Variants in TET1 observed in about 807,000 individuals in gnomAD.
The protein encoded by TET1 is tet methylcytosine dioxygenase 1.
TET1 carries 13 observed loss-of-function variants against 148.7 expected under a neutral mutation model. The observed-to-expected ratio is 0.09, with a 90% CI of 0.06 to 0.14. The LOEUF (loss-of-function observed/expected upper bound fraction) is 0.14, where lower values mean the gene tolerates loss of function less well. Among genes scored for constraint, TET1 ranks in the 10% least tolerant of loss-of-function variants. The pLI, the probability that TET1 is intolerant of heterozygous loss-of-function variation, is 1.00. For synonymous variants in TET1, 907 were observed against 937.2 expected (o/e 0.97, Z 0.59); for missense variants, 2,182 against 2,553.8 (o/e 0.85, Z 3.14).
chr10:68,629,313 C>T (rs970092276), intron 3 of TET1, among the ~76,000 whole-genome samples: 6 of 151,344 alleles, frequency 4.0e-5, no homozygotes, highest in African/African-American at 7.3e-5. Flanking sequence ...TGCAGTGAGC[C>T]GAGATTGTGC....
chr10:68,655,784 G>T (rs1010052691), intron 6 of TET1, among the ~76,000 whole-genome samples: 3 of 152,112 alleles, frequency 2.0e-5, no homozygotes, highest in Non-Finnish European at 4.4e-5. Flanking sequence ...TGTCTGTGTT[G>T]CCTGGGCTAG....
chr10:68,658,274 C>T (rs12769345), intron 6 of TET1, among the ~76,000 whole-genome samples: 14,605 of 151,790 alleles, frequency 0.096, 970 homozygotes, highest in South Asian at 0.18. Flanking sequence ...TGCAGTGGCA[C>T]AATCTCGGCT....
chr10:68,621,787 A>G (rs1199899817), intron 3 of TET1, among the ~76,000 whole-genome samples: 1 of 152,188 alleles, frequency 6.6e-6, no homozygotes, highest in Non-Finnish European at 1.5e-5. Flanking sequence ...TAAAGAACTG[A>G]GTGATCAACG....
At chr10:68,604,901 A>T (rs1169535378) in intron 3 of TET1, among the ~76,000 whole-genome samples, 3 of 152,214 alleles carry the variant, frequency 2.0e-5, no homozygotes, top group Non-Finnish European at 4.4e-5. Context: ...CCCAATAAGC[A>T]TGAGGATCCT....
At chr10:68,562,509 T>A (rs1234002061) in intron 1 of TET1, among the ~76,000 whole-genome samples, 1 of 152,152 alleles carries the variant, frequency 6.6e-6, no homozygotes, top group East Asian at 1.9e-4. Flanking sequence ...TTTTCCCCAA[T>A]TAAGGGATTT....
intron 3 of TET1, among the ~76,000 whole-genome samples, chr10:68,622,859 G>A (rs541217905): frequency 1.8e-4 from 27 of 152,218 alleles, no homozygotes; most frequent in Admixed American, 1.6e-3. Flanking sequence ...GATTACAGGC[G>A]TGAGCTACTG....
intron 3 of TET1, among the ~76,000 whole-genome samples, chr10:68,629,419 A>C (rs2054535786): frequency 6.6e-6 from 1 of 152,142 alleles, no homozygotes; most frequent in Non-Finnish European, 1.5e-5. Context: ...AGATGTATTA[A>C]TTGTAACTTT....
At chr10:68,652,443 C>G (rs377499220) in intron 5 of TET1, 58 bp from the exon 6 acceptor site, 10 of 1,277,984 alleles carry the variant, frequency 7.8e-6, no homozygotes, top group African/African-American at 6.0e-5. Flanking sequence ...AAAGCCAAAG[C>G]CTTCAAGTAC....
chr10:68,637,021 C>T (rs956751147), intron 3 of TET1, among the ~76,000 whole-genome samples: 6 of 136,148 alleles, frequency 4.4e-5, no homozygotes, highest in Admixed American at 7.4e-5. Flanking sequence ...GTGTGTGTGA[C>T]AGAGTCTTGC....
chr10:68,569,952 G>GT (rs901153078), intron 1 of TET1, among the ~76,000 whole-genome samples: 10 of 152,074 alleles, frequency 6.6e-5, no homozygotes, highest in African/African-American at 2.4e-4. Flanking sequence ...GGATACTTTA[G>GT]TATTTTTTCT....
chr10:68,571,401 T>C (rs996601572), intron 1 of TET1, among the ~76,000 whole-genome samples: 1 of 152,114 alleles, frequency 6.6e-6, no homozygotes, highest in East Asian at 1.9e-4. Flanking sequence ...CCTCCTGGGT[T>C]CAAGTGATTC....
chr10:68,563,587 T>TA (rs1320085073), intron 1 of TET1, among the ~76,000 whole-genome samples: 1 of 152,224 alleles, frequency 6.6e-6, no homozygotes, highest in African/African-American at 2.4e-5. Flanking sequence ...TTACATCAGT[T>TA]AAGCATTTTT....
intron 3 of TET1, among the ~76,000 whole-genome samples, chr10:68,640,559 T>C (rs2054733864): frequency 9.1e-6 from 1 of 110,418 alleles, no homozygotes; most frequent in African/African-American, 3.3e-5. Context: ...TTTTTTTTTT[T>C]TTTTTTTTTT....
chr10:68,580,313 A>ATTTTTTTTTT (rs1163318028), intron 2 of TET1, among the ~76,000 whole-genome samples: 28 of 60,402 alleles, frequency 4.6e-4, no homozygotes, highest in South Asian at 1.3e-3. Flanking sequence ...ATTATATTCA[A>ATTTTTTTTTT]TTTTTTTTTT....
At chr10:68,569,674 T>G (rs972156832) in intron 1 of TET1, among the ~76,000 whole-genome samples, 14 of 152,096 alleles carry the variant, frequency 9.2e-5, no homozygotes, top group African/African-American at 3.4e-4. Flanking sequence ...TCTCCGCACT[T>G]GGGGAGGCGG....
At chr10:68,568,285 C>A (rs1033763461) in intron 1 of TET1, among the ~76,000 whole-genome samples, 1 of 138,174 alleles carries the variant, frequency 7.2e-6, no homozygotes, top group African/African-American at 2.8e-5. Flanking sequence ...TGCAATGGTG[C>A]GATCTTGGCT....
intron 8 of TET1, among the ~76,000 whole-genome samples, chr10:68,675,287 C>T (rs2055333817): frequency 6.6e-6 from 1 of 152,122 alleles, no homozygotes; most frequent in Admixed American, 6.6e-5. Flanking sequence ...TTGTAACATG[C>T]CTGAATGGGG....
chr10:68,615,846 C>A (rs1393490072), intron 3 of TET1, among the ~76,000 whole-genome samples: 1 of 152,052 alleles, frequency 6.6e-6, no homozygotes, highest in Non-Finnish European at 1.5e-5. Flanking sequence ...GGGGTTTCTC[C>A]ATGTTGGTCA....
intron 2 of TET1, among the ~76,000 whole-genome samples, chr10:68,577,996 C>T (rs2053752223): frequency 6.6e-6 from 1 of 152,028 alleles, no homozygotes; most frequent in Non-Finnish European, 1.5e-5. Flanking sequence ...AAATAAATAA[C>T]ACTGATTTTT....
Sources: gnomAD v4.1 joint callset for allele counts (sites outside exome capture counted in the v4.1 genomes callset) on GRCh38, gnomAD v4.1.1 for gene constraint, MANE v1.5 for transcripts, NCBI Gene and HGNC (gene_info 2026-07-23, HGNC 2026-07-21) for gene names.